Variants in COG5 observed in about 807,000 individuals in gnomAD.
The protein encoded by COG5 is conserved oligomeric Golgi complex subunit 5.
In COG5, 86 loss-of-function variants were observed where a neutral mutation model predicts 110.4. That is an observed-to-expected ratio of 0.78 (90% CI 0.65 to 0.93). COG5 has a LOEUF of 0.93. COG5 is among the 40% of genes least tolerant of loss of function. The pLI, the probability that COG5 is intolerant of heterozygous loss-of-function variation, is 0.00. For missense variants in COG5, 1,077 were observed against 987.0 expected (o/e 1.09, Z -1.22); for synonymous variants, 360 against 334.6 (o/e 1.08, Z -0.83).
intron 7 of COG5, among the ~76,000 whole-genome samples, chr7:107,406,814 T>C (rs1001137620): frequency 6.6e-6 from 1 of 152,136 alleles, no homozygotes; most frequent in Non-Finnish European, 1.5e-5. Context: ...TGCATAAAGA[T>C]ATATACAAAT....
intron 6 of COG5, among the ~76,000 whole-genome samples, chr7:107,519,045 G>A (rs1169715082): frequency 6.6e-6 from 1 of 152,174 alleles, no homozygotes; most frequent in South Asian, 2.1e-4. Flanking sequence ...GCTCCTAAAT[G>A]ACTCCTGGGT....
intron 5 of COG5, among the ~76,000 whole-genome samples, chr7:107,545,913 A>C (rs62483723): frequency 0.28 from 42,707 of 151,776 alleles, 6,001 homozygotes; most frequent in East Asian, 0.33. Context: ...ACAGCAGCGG[A>C]ATACACATTC....
At chr7:107,279,884 G>A (rs1228680605) in intron 14 of COG5, among the ~76,000 whole-genome samples, 1 of 152,110 alleles carries the variant, frequency 6.6e-6, no homozygotes, top group Non-Finnish European at 1.5e-5. Flanking sequence ...TATCAACTCA[G>A]TGAAATGTTT....
intron 7 of COG5, among the ~76,000 whole-genome samples, chr7:107,388,189 C>T (rs747350257): frequency 6.6e-6 from 1 of 152,168 alleles, no homozygotes; most frequent in Non-Finnish European, 1.5e-5. Flanking sequence ...CACGTGTTAA[C>T]CCTAGAGAAT....
intron 11 of COG5, among the ~76,000 whole-genome samples, chr7:107,312,218 C>T (rs1387654114): frequency 2.6e-5 from 4 of 152,026 alleles, no homozygotes; most frequent in Admixed American, 6.6e-5. Flanking sequence ...TTTTACAGTT[C>T]GTTTTCTCTT....
At position 107,448,211 on chromosome 7, in the gene COG5, A is replaced by G. The variant is rs573440941; in HGVS notation, c.539-35579T>C. Among the ~76,000 whole-genome samples, 40 of 151,200 alleles carry G rather than the reference A, an allele frequency of 2.6e-4. 1 individual carries two copies. In the South Asian group the frequency reaches 7.3e-3, roughly 27 times the overall value. ...CTCCTCCCCCAAAACATGGAATGTT[A>G]TATTGCTGAACAGCTGAAATTACTT... On this transcript the variant is annotated intron_variant, in intron 6 of 21. Transcript: ENST00000297135.
intron 11 of COG5, among the ~76,000 whole-genome samples, chr7:107,317,000 G>A (rs1274438752): frequency 6.6e-6 from 1 of 151,834 alleles, no homozygotes; most frequent in Non-Finnish European, 1.5e-5. Context: ...ATGACCATAA[G>A]CAAAAGTTTC....
At chr7:107,521,844 GC>G (rs1348487454) in intron 6 of COG5, among the ~76,000 whole-genome samples, 1 of 152,168 alleles carries the variant, frequency 6.6e-6, no homozygotes, top group African/African-American at 2.4e-5. Flanking sequence ...TATGTTTACT[GC>G]AGCACTACTT....
intron 8 of COG5, among the ~76,000 whole-genome samples, chr7:107,369,766 A>T (rs1005788409): frequency 6.6e-6 from 1 of 152,210 alleles, no homozygotes; most frequent in Non-Finnish European, 1.5e-5. Context: ...CATAAGGTGA[A>T]CACATTTTCC....
At chr7:107,396,077 A>G (rs898989439) in intron 7 of COG5, among the ~76,000 whole-genome samples, 5 of 152,240 alleles carry the variant, frequency 3.3e-5, no homozygotes, top group African/African-American at 1.2e-4. Flanking sequence ...AAGGCAGCTT[A>G]TAATATCTGT....
chr7:107,547,052 T>C (rs2520267), intron 5 of COG5, among the ~76,000 whole-genome samples: 42,971 of 152,048 alleles, frequency 0.28, 6,109 homozygotes, highest in East Asian at 0.33. Context: ...ACCCTTCTGT[T>C]AATGACAAAG....
chr7:107,286,021 G>C (rs1805596493), intron 12 of COG5, among the ~76,000 whole-genome samples: 1 of 152,168 alleles, frequency 6.6e-6, no homozygotes. Context: ...TAATGCTTAA[G>C]TCTTTTTTCC....
chr7:107,295,079 ATATATATATATATATATATATATTTTTT>A (rs1806599141), intron 12 of COG5, among the ~76,000 whole-genome samples: 1 of 58,646 alleles, frequency 1.7e-5, no homozygotes, highest in African/African-American at 8.2e-5. Flanking sequence ...ATATATATAT[ATATATATATATATATATATATATTTTTT>A]TTTTTTTTTT....
chr7:107,234,655 G>A (rs1403306894), intron 18 of COG5, among the ~76,000 whole-genome samples: 1 of 152,088 alleles, frequency 6.6e-6, no homozygotes, highest in Non-Finnish European at 1.5e-5. Flanking sequence ...GAACCAGCTG[G>A]AGCAGAATGC....
intron 19 of COG5, among the ~76,000 whole-genome samples, chr7:107,216,833 A>T (rs967601638): frequency 2.6e-5 from 4 of 152,176 alleles, no homozygotes. Context: ...AGAAACTACA[A>T]GAGAAGAACA....
At chr7:107,334,696 A>G (rs1810559594) in intron 10 of COG5, among the ~76,000 whole-genome samples, 1 of 152,192 alleles carries the variant, frequency 6.6e-6, no homozygotes, top group African/African-American at 2.4e-5. Flanking sequence ...ATGCTTCAAA[A>G]AGGAAGAAGA....
intron 17 of COG5, among the ~76,000 whole-genome samples, chr7:107,238,000 A>G (rs967869531): frequency 2.0e-5 from 3 of 152,154 alleles, no homozygotes; most frequent in African/African-American, 7.2e-5. Flanking sequence ...TTTTTGATGA[A>G]TTATAATAAT....
chr7:107,245,144 C>G (rs1263665919), intron 17 of COG5, among the ~76,000 whole-genome samples: 1 of 152,182 alleles, frequency 6.6e-6, no homozygotes, highest in Non-Finnish European at 1.5e-5. Flanking sequence ...CCAGAAAAGG[C>G]TTCTGATAAA....
chr7:107,417,252 A>C (rs746347847), intron 6 of COG5, among the ~76,000 whole-genome samples: 1 of 152,208 alleles, frequency 6.6e-6, no homozygotes, highest in Non-Finnish European at 1.5e-5. Context: ...TTGAGCTTAA[A>C]AGTAAATGTC....
Sources: allele counts gnomAD v4.1 joint callset (sites outside exome capture counted in the v4.1 genomes callset), GRCh38; gene constraint gnomAD v4.1.1; transcripts MANE v1.5; gene names NCBI Gene and HGNC (gene_info 2026-07-23, HGNC 2026-07-21).